The following POU2F1 variants were observed in gnomAD, a reference collection of about 807,000 sequenced individuals.
The protein encoded by POU2F1 is POU domain, class 2, transcription factor 1.
In POU2F1, 16 loss-of-function variants were observed where a neutral mutation model predicts 84.9. That is an observed-to-expected ratio of 0.19 (90% CI 0.13 to 0.29). POU2F1 has a LOEUF of 0.29. POU2F1 is among the 10% of genes least tolerant of loss of function. POU2F1 has a pLI of 1.00. For missense variants in POU2F1, 738 were observed against 942.6 expected (o/e 0.78, Z 2.84); for synonymous variants, 368 against 368.3 (o/e 1.00, Z 0.01).
At chr1:167,278,752 C>T (rs963944499) in intron 1 of POU2F1, among the ~76,000 whole-genome samples, 4 of 151,708 alleles carry the variant, frequency 2.6e-5, no homozygotes, top group East Asian at 1.9e-4. Flanking sequence ...GCTTACAATA[C>T]GCCAGACATT....
At chr1:167,293,421 G>A (rs1421309074) in intron 1 of POU2F1, among the ~76,000 whole-genome samples, 2 of 152,128 alleles carry the variant, frequency 1.3e-5, no homozygotes, top group Non-Finnish European at 2.9e-5. Context: ...ACTTAACCAA[G>A]GAGGTGAAAG....
At chr1:167,288,355 A>C (rs77409340) in intron 1 of POU2F1, among the ~76,000 whole-genome samples, 1,811 of 152,284 alleles carry the variant, frequency 0.012, 15 homozygotes, top group Middle Eastern at 0.031. Flanking sequence ...AGAAGCTGGA[A>C]TCTCAACAGG....
intron 1 of POU2F1, among the ~76,000 whole-genome samples, chr1:167,323,232 A>G (rs1214395127): frequency 6.6e-6 from 1 of 152,242 alleles, no homozygotes; most frequent in Non-Finnish European, 1.5e-5. Flanking sequence ...GTATGGTAAG[A>G]TAGGATCATG....
At chr1:167,361,621 C>T (rs1659355288) in intron 2 of POU2F1, among the ~76,000 whole-genome samples, 1 of 152,054 alleles carries the variant, frequency 6.6e-6, no homozygotes, top group Non-Finnish European at 1.5e-5. Flanking sequence ...GGATGTTGGC[C>T]TGTAGTTTCC....
chr1:167,374,359 A>T (rs920208839), intron 6 of POU2F1, 63 bp downstream of exon 6: 5 of 1,452,112 alleles, frequency 3.4e-6, no homozygotes, highest in Non-Finnish European at 4.6e-6. Context: ...GTTTTATTTA[A>T]TGTTAGATTA....
intron 1 of POU2F1, among the ~76,000 whole-genome samples, chr1:167,330,182 G>A (rs943332190): frequency 1.3e-5 from 2 of 152,038 alleles, no homozygotes; most frequent in African/African-American, 4.8e-5. Context: ...TATGAACTCC[G>A]GGACTTGGAT....
At chr1:167,281,127 T>C (rs266826) in intron 1 of POU2F1, among the ~76,000 whole-genome samples, 13,697 of 152,134 alleles carry the variant, frequency 0.09, 1,944 homozygotes, top group African/African-American at 0.31. Flanking sequence ...GATACAGTTC[T>C]CCAAAGGTCC....
intron 1 of POU2F1, among the ~76,000 whole-genome samples, chr1:167,284,147 C>A (rs1376311955): frequency 6.6e-6 from 1 of 152,150 alleles, no homozygotes; most frequent in Non-Finnish European, 1.5e-5. Flanking sequence ...AATGATTCAA[C>A]TTTCTGTCTG....
rs947081794 is a variant in POU2F1, at chr1:167,399,115, G to A, written c.1270-71G>A. On this transcript the variant is annotated intron_variant, in intron 11 of 15. Coordinates refer to ENST00000367866, the MANE Select transcript of POU2F1 (RefSeq NM_002697.4). ...TCCCAGCTTCATTTTCTAACCTGAC[G>A]TGATTATGCCAGTAGTTCAAAAAGT... 1.6e-5 allele frequency: 23 copies of A among 1,432,328 alleles called. No individual in the cohort carries two copies. In the African/African-American group the frequency reaches 2.7e-4, roughly 17 times the overall value. 88.7% of individuals were successfully genotyped at this position (1,432,328 alleles called of 1,614,324 possible). A position where few individuals can be genotyped will look rare whatever the true frequency, so the allele number is the denominator to read the frequency against.
At chr1:167,277,723 C>A (rs1387397325) in intron 1 of POU2F1, among the ~76,000 whole-genome samples, 1 of 152,148 alleles carries the variant, frequency 6.6e-6, no homozygotes, top group Non-Finnish European at 1.5e-5. Context: ...AGTTACTACT[C>A]GCTGATGCCG....
chr1:167,326,441 G>C (rs1252127619), intron 1 of POU2F1, among the ~76,000 whole-genome samples: 2 of 152,150 alleles, frequency 1.3e-5, no homozygotes, highest in Non-Finnish European at 2.9e-5. Flanking sequence ...GCCATGGTTG[G>C]GGAGTACAGG....
chr1:167,368,991 AG>A (rs1236342843), intron 3 of POU2F1, among the ~76,000 whole-genome samples: 1 of 152,244 alleles, frequency 6.6e-6, no homozygotes, highest in Admixed American at 6.5e-5. Context: ...AAATCCAGTC[AG>A]GATCCTTATG....
At position 167,221,133 on chromosome 1, in the gene POU2F1, G is replaced by A. The variant is rs1215513177; in HGVS notation, c.61+175G>A. On this transcript the variant is annotated intron_variant, in intron 1 of 15. Coordinates refer to ENST00000367866, the MANE Select transcript of POU2F1 (RefSeq NM_002697.4). ...CGGGCGCTGAGCGGAGGGGGAAAGA[G>A]GCTCGGAGCGGCCAGGCGGAGGGGG... 2.0e-5 allele frequency among the ~76,000 whole-genome samples: 3 copies of A among 151,614 alleles called. No homozygotes were observed. In the East Asian group the frequency reaches 5.9e-4, roughly 30 times the overall value.
At chr1:167,344,886 A>C (rs1215318879) in intron 2 of POU2F1, among the ~76,000 whole-genome samples, 1 of 152,226 alleles carries the variant, frequency 6.6e-6, no homozygotes, top group African/African-American at 2.4e-5. Flanking sequence ...GCAGCCATAA[A>C]AAGGAATGAG....
At chr1:167,268,508 A>G (rs535716942) in intron 1 of POU2F1, among the ~76,000 whole-genome samples, 1 of 152,294 alleles carries the variant, frequency 6.6e-6, no homozygotes, top group Non-Finnish European at 1.5e-5. Context: ...TTGAAGAACA[A>G]AGGCCTCCCA....
intron 1 of POU2F1, among the ~76,000 whole-genome samples, chr1:167,294,672 T>G (rs185789281): frequency 1.3e-5 from 2 of 152,286 alleles, no homozygotes; most frequent in East Asian, 3.9e-4. Flanking sequence ...GAAGAAGTGC[T>G]TGGAATCATT....
Position 167,256,949 on chromosome 1 carries a change from T to C in POU2F1, c.61+35991T>C, listed in dbSNP as rs143739549. Among the ~76,000 whole-genome samples the C allele has an allele frequency of 4.2e-3, 640 of 152,326 alleles. 11 individuals carry two copies. Among genetic ancestry groups the C allele is most frequent in the African/African-American group, 0.015 (619 of 41,578 alleles). On this transcript the variant is annotated intron_variant, in intron 1 of 15. Coordinates refer to ENST00000367866, the MANE Select transcript of POU2F1 (RefSeq NM_002697.4). ...CAGTAAAAACCTGTCCGAATGTGAC[T>C]GTACCTTTTCACTGTCTGGATGTGC...
chr1:167,407,545 T>C (rs1214636421), intron 13 of POU2F1, among the ~76,000 whole-genome samples: 1 of 152,212 alleles, frequency 6.6e-6, no homozygotes, highest in Non-Finnish European at 1.5e-5. Context: ...GGTATACATA[T>C]AGATATATAG....
chr1:167,407,191 A>T (rs1345486825), intron 13 of POU2F1, among the ~76,000 whole-genome samples: 2 of 151,726 alleles, frequency 1.3e-5, no homozygotes, highest in African/African-American at 4.8e-5. Context: ...CCACCCGCCC[A>T]GCTAATATTT....
Sources: gnomAD v4.1 joint callset for allele counts (sites outside exome capture counted in the v4.1 genomes callset) on GRCh38, gnomAD v4.1.1 for gene constraint, MANE v1.5 for transcripts, NCBI Gene and HGNC (gene_info 2026-07-23, HGNC 2026-07-21) for gene names.